The following CALN1 variants were observed in gnomAD, a reference collection of about 807,000 sequenced individuals.
The protein encoded by CALN1 is calneuron 1.
In CALN1, 17 loss-of-function variants were observed where a neutral mutation model predicts 30.6. That is an observed-to-expected ratio of 0.56 (90% confidence interval 0.38 to 0.83). The LOEUF (loss-of-function observed/expected upper bound fraction) is 0.83, where lower values mean the gene tolerates loss of function less well. CALN1 is among the 40% of genes least tolerant of loss of function. CALN1 has a pLI of 0.00. For synonymous variants in CALN1, 156 were observed against 131.4 expected (o/e 1.19, Z -1.28); for missense variants, 291 against 354.9 (o/e 0.82, Z 1.45).
At chr7:72,265,223 C>A (rs146079674) in intron 3 of CALN1, among the ~76,000 whole-genome samples, 1 of 152,152 alleles carries the variant, frequency 6.6e-6, no homozygotes. Context: ...ATATTAATGA[C>A]CATGTTGATA....
At chr7:72,063,432 T>C (rs1422838789) in intron 4 of CALN1, among the ~76,000 whole-genome samples, 4 of 152,206 alleles carry the variant, frequency 2.6e-5, no homozygotes, top group Admixed American at 2.6e-4. Context: ...TTGCATATTG[T>C]CCTGTGAAGA....
chr7:72,313,182 T>C (rs1800180868), intron 2 of CALN1, among the ~76,000 whole-genome samples: 1 of 152,014 alleles, frequency 6.6e-6, no homozygotes, highest in South Asian at 2.1e-4. Flanking sequence ...GGAAAAAGAA[T>C]GGATGGGAGA....
chr7:72,223,819 T>TA lies in CALN1; in HGVS notation c.244+54866dup, dbSNP rs576273189. On this transcript the variant is annotated intron_variant, in intron 3 of 6. Transcript: ENST00000395275. ...GACACCATGGAATACTATGCAGCCATAAAAAAGAAGGAAATCGTGTCCTCG... is the reference window on the plus strand; with the variant it reads ...GACACCATGGAATACTATGCAGCCATAAAAAAAGAAGGAAATCGTGTCCTCG... Among the ~76,000 whole-genome samples the TA allele has an allele frequency of 1.1e-4, 16 of 152,154 alleles. No homozygotes were observed. The South Asian group carries it at 1.9e-3, about 18-fold the overall frequency.
chr7:72,211,306 A>G (rs987537863), intron 3 of CALN1, among the ~76,000 whole-genome samples: 1 of 151,970 alleles, frequency 6.6e-6, no homozygotes, highest in Non-Finnish European at 1.5e-5. Context: ...TGCACACACC[A>G]CTGCTTTTGC....
In CALN1 at chr7:72,389,569, G is replaced by C. The variant is rs150086501; in HGVS notation, c.119+13682C>G. 6.6e-5 allele frequency among the ~76,000 whole-genome samples: 10 copies of C among 152,272 alleles called. No individual in the cohort carries two copies. The East Asian group carries it at 1.9e-3, about 29-fold the overall frequency. On this transcript the variant is annotated intron_variant, in intron 2 of 6. Transcript: ENST00000395275. ...GTAACGTCTCCTTAAGAAGTCAAAT[G>C]ACTGTTGTTATCTTGCCCTGGGATA... is the stretch of plus-strand genomic sequence containing the variant.
At position 71,801,436 on chromosome 7, in the gene CALN1, C is replaced by G. The variant is rs150164204; in HGVS notation, c.658+8900G>C. 2.4e-3 allele frequency among the ~76,000 whole-genome samples: 346 copies of G among 143,110 alleles called. 2 individuals are homozygous for G. The highest frequency in any genetic ancestry group is 0.01 in the East Asian group (49 of 4,870). 93.9% of individuals were successfully genotyped at this position (143,110 alleles called of 152,430 possible). A position where few individuals can be genotyped will look rare whatever the true frequency, so the allele number is the denominator to read the frequency against. On this transcript the variant is annotated intron_variant, in intron 6 of 6. Transcript: ENST00000395275. The stretch of plus-strand genomic sequence containing the variant: ...TGTATGTATGTATGTATGTATCTAT[C>G]TATCTATCTATCTATCTATCTATCT...
rs1807602589 is a variant in CALN1, at chr7:72,421,337, C to G, written c.-225-9062G>C. On this transcript the variant is annotated intron_variant, in intron 1 of 6. Coordinates refer to the CALN1 transcript ENST00000395276. ...ATGTTTTTCTATCCTCACAGCTTAG[C>G]TATGAGTGAAATAACTCAGGAATGG... 1.3e-5 allele frequency among the ~76,000 whole-genome samples: 2 copies of G among 152,080 alleles called. 1 individual carries two copies. The highest frequency in any genetic ancestry group is 4.1e-4 in the South Asian group (2 of 4,820).
intron 5 of CALN1, among the ~76,000 whole-genome samples, chr7:71,950,635 A>G (rs574915821): frequency 1.3e-5 from 2 of 152,272 alleles, no homozygotes; most frequent in South Asian, 2.1e-4. Context: ...CCCGATCCAC[A>G]GAGCCACCCG....
intron 5 of CALN1, among the ~76,000 whole-genome samples, chr7:71,830,210 A>G (rs1161741997): frequency 6.6e-6 from 1 of 151,534 alleles, no homozygotes; most frequent in Non-Finnish European, 1.5e-5. Context: ...CGGCTGGCTA[A>G]TTTTGCATTT....
chr7:72,410,059 G>T (rs1047458949), intron 1 of CALN1, among the ~76,000 whole-genome samples: 1 of 151,952 alleles, frequency 6.6e-6, no homozygotes. Flanking sequence ...ATATCTTTTG[G>T]ACAAAATGTT....
chr7:72,399,793 C>T (rs1457446436), intron 2 of CALN1, among the ~76,000 whole-genome samples: 1 of 152,148 alleles, frequency 6.6e-6, no homozygotes, highest in Non-Finnish European at 1.5e-5. Flanking sequence ...GAATGTGATT[C>T]CGTGTTGGAG....
the CALN1 span, among the ~76,000 whole-genome samples, chr7:72,452,393 C>A: frequency 6.6e-6 from 1 of 152,038 alleles, no homozygotes; most frequent in Admixed American, 6.6e-5. Flanking sequence ...TTATGGATGG[C>A]TTGGCACCCT....
chr7:72,076,611 C>CAAAAAAAAAA (rs572245834), intron 4 of CALN1, among the ~76,000 whole-genome samples: 304 of 6,124 alleles, frequency 0.05, 139 homozygotes, highest in Non-Finnish European at 0.076. Context: ...AAAAAAAAAG[C>CAAAAAAAAAA]AAAAAAAAAA....
intron 3 of CALN1, among the ~76,000 whole-genome samples, chr7:72,188,657 TACTC>T (rs1016318928): frequency 1.5e-4 from 23 of 152,156 alleles, no homozygotes; most frequent in African/African-American, 5.1e-4. Flanking sequence ...CTAAAGAACT[TACTC>T]ACGTAACCAA....
intron 2 of CALN1, among the ~76,000 whole-genome samples, chr7:72,288,565 G>C (rs928048855): frequency 6.6e-6 from 1 of 152,188 alleles, no homozygotes; most frequent in Non-Finnish European, 1.5e-5. Flanking sequence ...CTTAATGATT[G>C]TGACAATTTA....
intron 2 of CALN1, among the ~76,000 whole-genome samples, chr7:72,284,225 T>C (rs2129554404): frequency 6.6e-6 from 1 of 151,920 alleles, no homozygotes; most frequent in East Asian, 1.9e-4. Flanking sequence ...AGCCCAGGAG[T>C]TTGAGGCTGC....
chr7:72,217,337 C>G (rs1792902628), intron 3 of CALN1, among the ~76,000 whole-genome samples: 1 of 152,154 alleles, frequency 6.6e-6, no homozygotes, highest in East Asian at 1.9e-4. Context: ...GGAGGCAGGT[C>G]TGGGCCTGGG....
At chr7:72,137,781 C>T (rs920666558) in intron 3 of CALN1, among the ~76,000 whole-genome samples, 1 of 152,158 alleles carries the variant, frequency 6.6e-6, no homozygotes, top group Non-Finnish European at 1.5e-5. Context: ...GAAAAATATA[C>T]TCTAGCATAT....
intron 4 of CALN1, among the ~76,000 whole-genome samples, chr7:72,101,900 A>G (rs559335852): frequency 6.6e-4 from 100 of 152,336 alleles, no homozygotes; most frequent in African/African-American, 2.1e-3. Flanking sequence ...GGTATGTGTT[A>G]ACAAAACAAA....
Sources: allele counts gnomAD v4.1 joint callset (sites outside exome capture counted in the v4.1 genomes callset), GRCh38; gene constraint gnomAD v4.1.1; transcripts MANE v1.5; gene names NCBI Gene and HGNC (gene_info 2026-07-23, HGNC 2026-07-21).